The following KLHL29 variants were observed in gnomAD, a reference collection of about 807,000 sequenced individuals.
KLHL29 encodes kelch-like protein 29.
A neutral mutation model predicts 80.4 loss-of-function variants in KLHL29; 21 were observed. The observed-to-expected ratio is 0.26, with a 90% CI of 0.19 to 0.38. The LOEUF is 0.38. Ranked by LOEUF, KLHL29 falls within the 10% of genes least tolerant of loss-of-function variation. The probability of loss-of-function intolerance (pLI) is 1.00; values close to 1 mark genes in which losing one functional copy is unlikely to be tolerated. For missense variants in KLHL29, 867 were observed against 1,223.9 expected, an observed-to-expected ratio of 0.71 and a Z score of 4.35; for synonymous variants, 511 against 526.8, an observed-to-expected ratio of 0.97 and a Z score of 0.41.
At chr2:23,413,842 C>G (rs566893748) in intron 1 of KLHL29, among the ~76,000 whole-genome samples, 18 of 152,342 alleles carry the variant, frequency 1.2e-4, no homozygotes, top group African/African-American at 3.4e-4. Context: ...CTTCTTCCCC[C>G]ACGGGTGCGG....
At chr2:23,474,593 G>A (rs1664579379) in intron 1 of KLHL29, among the ~76,000 whole-genome samples, 2 of 152,106 alleles carry the variant, frequency 1.3e-5, no homozygotes, top group South Asian at 4.1e-4. Context: ...GCTTGAAAAT[G>A]GCTATTTGAT....
chr2:23,494,581 T>C (rs563246422), intron 2 of KLHL29, among the ~76,000 whole-genome samples: 11 of 152,280 alleles, frequency 7.2e-5, no homozygotes, highest in African/African-American at 2.4e-4. Context: ...TTCCAAGATA[T>C]AGGACTGCAG....
intron 1 of KLHL29, among the ~76,000 whole-genome samples, chr2:23,405,642 C>T (rs1485853456): frequency 6.6e-6 from 1 of 152,206 alleles, no homozygotes; most frequent in East Asian, 1.9e-4. Context: ...ACCAGTTCTG[C>T]AAGCTCAGCT....
At chr2:23,542,509 T>G (rs1361798688) in intron 2 of KLHL29, among the ~76,000 whole-genome samples, 3 of 152,234 alleles carry the variant, frequency 2.0e-5, no homozygotes, top group Non-Finnish European at 4.4e-5. Flanking sequence ...CGTTCAGGGT[T>G]TGGCTATTTG....
At chr2:23,499,700 G>A (rs548246751) in intron 2 of KLHL29, among the ~76,000 whole-genome samples, 121 of 152,352 alleles carry the variant, frequency 7.9e-4, no homozygotes, top group Non-Finnish European at 1.2e-3. Context: ...CCCAGAGAAA[G>A]TAAAGCATGA....
At chr2:23,626,625 G>C (rs1572448545) in intron 3 of KLHL29, among the ~76,000 whole-genome samples, 2 of 152,328 alleles carry the variant, frequency 1.3e-5, no homozygotes, top group African/African-American at 4.8e-5. Context: ...ATTGATATCT[G>C]TGTCTCCAGA....
In KLHL29 at chr2:23,435,592, G is replaced by A. The variant is rs764454488; in HGVS notation, c.-153-39968G>A. On this transcript the variant is annotated intron_variant, in intron 1 of 13. Transcript: ENST00000486442. The stretch of plus-strand genomic sequence containing the variant: ...TTTGGGGAATGAGCTGCGGTTGCAC[G>A]TAAATCAATTTTCTGCTCCACTAAG... 2.6e-5 allele frequency among the ~76,000 whole-genome samples: 4 copies of A among 152,316 alleles called. 1 individual carries two copies. The highest frequency in any genetic ancestry group is 3.9e-4 in the East Asian group (2 of 5,192).
intron 2 of KLHL29, chr2:23,532,710 A>T: frequency 2.2e-6 from 1 of 453,048 alleles, no homozygotes; most frequent in East Asian, 7.0e-5. Flanking sequence ...GGTGGGTGTC[A>T]GGTGGGAGGA....
At chr2:23,552,653 A>C (rs1307119566) in intron 2 of KLHL29, among the ~76,000 whole-genome samples, 1 of 152,152 alleles carries the variant, frequency 6.6e-6, no homozygotes, top group Non-Finnish European at 1.5e-5. Flanking sequence ...TCTTCTTTAA[A>C]TATAAAGACA....
chr2:23,632,083 C>T (rs1477263455), intron 3 of KLHL29, among the ~76,000 whole-genome samples: 3 of 152,216 alleles, frequency 2.0e-5, no homozygotes, highest in Non-Finnish European at 4.4e-5. Context: ...CAGAAACTTC[C>T]ATTCCTCTAA....
At chr2:23,638,971 A>C (rs1217308601) in intron 3 of KLHL29, among the ~76,000 whole-genome samples, 168 bp from the exon 4 acceptor site, 2 of 152,102 alleles carry the variant, frequency 1.3e-5, no homozygotes, top group Non-Finnish European at 2.9e-5. Flanking sequence ...TGCAATTCCC[A>C]CCAAAGACTG....
intron 1 of KLHL29, among the ~76,000 whole-genome samples, chr2:23,455,250 T>G (rs911149869): frequency 6.6e-6 from 1 of 152,210 alleles, no homozygotes; most frequent in African/African-American, 2.4e-5. Context: ...GACTGATTAG[T>G]AAAGCTCTGT....
At chr2:23,603,111 G>C (rs1176514568) in intron 3 of KLHL29, among the ~76,000 whole-genome samples, 1 of 152,190 alleles carries the variant, frequency 6.6e-6, no homozygotes, top group Non-Finnish European at 1.5e-5. Flanking sequence ...AGTCAGGGAA[G>C]TGACCCCCCA....
Position 23,696,313 on chromosome 2 carries a change from G to A in KLHL29, c.1925-20G>A. On this transcript the variant is annotated intron_variant, in intron 10 of 13. Transcript: ENST00000486442. The surrounding 1 kb of genome is among the most constrained non-coding windows in gnomAD (Gnocchi z 5.5). The stretch of plus-strand genomic sequence containing the variant: ...CCTCCTCACCCCGCCCGCTCTCTCT[G>A]CCTCCCACACTGCCTCCAGGTGGGA... The A allele has an allele frequency of 1.3e-6, 2 of 1,550,338 alleles. No individual in the cohort carries two copies. The highest frequency in any genetic ancestry group is 1.2e-5 in the South Asian group (1 of 83,998).
chr2:23,703,571 C>T (rs1672525799), intron 12 of KLHL29, 148 bp from the exon 13 acceptor site: 2 of 1,121,406 alleles, frequency 1.8e-6, no homozygotes, highest in South Asian at 1.7e-5. Flanking sequence ...GCTCCAGGTT[C>T]CCCTAGGCCC....
intron 2 of KLHL29, among the ~76,000 whole-genome samples, chr2:23,511,083 GA>G (rs1477955193): frequency 6.6e-6 from 1 of 152,188 alleles, no homozygotes; most frequent in Non-Finnish European, 1.5e-5. Flanking sequence ...AGAAGTCCAA[GA>G]TGAAGCTGTT....
At chr2:23,441,996 C>A (rs1262441103) in intron 1 of KLHL29, among the ~76,000 whole-genome samples, 1 of 152,156 alleles carries the variant, frequency 6.6e-6, no homozygotes, top group African/African-American at 2.4e-5. Flanking sequence ...TGTTATCTTA[C>A]ATGGCAATAG....
chr2:23,703,345 C>T lies in KLHL29; in HGVS notation c.2265C>T (p.Thr755=). ...TCCTCCAGTCTTACGTTCCTCAGAC[C>T]AACACGTGGAGCTTCATCGAGTCCC... The part of the protein sequence containing the change: ...AGVLQSYVPQ[T]NTWSFIESPM... Residue 755 remains threonine (T), a synonymous_variant, in exon 12 of 14, where the codon ACC becomes ACT. Coordinates refer to ENST00000486442, the MANE Select transcript of KLHL29 (RefSeq NM_052920.2). 1 of 1,531,812 alleles carries T rather than the reference C, an allele frequency of 6.5e-7. No individual in the cohort carries two copies. Among genetic ancestry groups the T allele is most frequent in the Non-Finnish European group, 8.8e-7 (1 of 1,139,380 alleles). 94.9% of individuals were successfully genotyped at this position (1,531,812 alleles called of 1,614,324 possible).
chr2:23,427,568 C>A (rs896626102), intron 1 of KLHL29, among the ~76,000 whole-genome samples: 3 of 152,176 alleles, frequency 2.0e-5, no homozygotes, highest in Non-Finnish European at 4.4e-5. Context: ...ATTTCATCAT[C>A]ACAGCAAAAT....
Sources: allele counts gnomAD v4.1 joint callset (sites outside exome capture counted in the v4.1 genomes callset), GRCh38; gene constraint gnomAD v4.1.1; non-coding constraint Gnocchi (gnomAD v3.1); transcripts MANE v1.5; gene names NCBI Gene and HGNC (gene_info 2026-07-23, HGNC 2026-07-21).